Variants in YIPF7 observed in about 807,000 individuals in gnomAD.
The protein encoded by YIPF7 is protein YIPF7.
YIPF7 carries 35 observed loss-of-function variants against 27.2 expected under a neutral mutation model. That is an observed-to-expected ratio of 1.29 (90% CI 0.98 to 1.70). The LOEUF (loss-of-function observed/expected upper bound fraction) is 1.70. YIPF7 is among the 40% of genes most tolerant of loss of function. YIPF7 has a pLI of 0.00. For missense variants in YIPF7, 358 were observed against 303.7 expected (o/e 1.18, Z -1.33); for synonymous variants, 137 against 110.4 (o/e 1.24, Z -1.51).
chr4:44,642,488 G>A (rs1434859604), intron 2 of YIPF7, among the ~76,000 whole-genome samples: 2 of 152,010 alleles, frequency 1.3e-5, no homozygotes, highest in East Asian at 1.9e-4. Flanking sequence ...ATAAAAAAAA[G>A]CATAACCAAT....
intron 4 of YIPF7, chr4:44,629,191 T>G (rs1712784788): frequency 2.2e-6 from 1 of 463,946 alleles, no homozygotes; most frequent in East Asian, 3.8e-5. Context: ...ATCTGCTTCT[T>G]GATTTTTGAA....
At chr4:44,632,018 G>A (rs1240503989) in intron 3 of YIPF7, among the ~76,000 whole-genome samples, 1 of 152,070 alleles carries the variant, frequency 6.6e-6, no homozygotes, top group African/African-American at 2.4e-5. Context: ...TGTCAACCAT[G>A]TATTTAATGG....
At chr4:44,660,403 C>T (rs1269123948) in intron 2 of YIPF7, 2 of 152,022 alleles carry the variant, frequency 1.3e-5, no homozygotes, top group Non-Finnish European at 2.9e-5. Context: ...TGCCTGGGTC[C>T]CTTGGAACAC....
chr4:44,625,148 A>G (rs1712591176), intron 4 of YIPF7, among the ~76,000 whole-genome samples: 1 of 152,222 alleles, frequency 6.6e-6, no homozygotes, highest in Non-Finnish European at 1.5e-5. Context: ...AAAAAATCCA[A>G]TTTTAGTCTT....
Position 44,649,652 on chromosome 4 carries a change from G to A in YIPF7, c.116+333C>T, listed in dbSNP as rs145147260. ...AAAATAGCCAGGCATGGTGGCACACGCCTATAATCCTAGCTACATGCGAGG... is the reference window on the plus strand; with the variant it reads ...AAAATAGCCAGGCATGGTGGCACACACCTATAATCCTAGCTACATGCGAGG... On this transcript the variant is annotated intron_variant, in intron 2 of 5. Transcript: ENST00000415895. Among the ~76,000 whole-genome samples the A allele has an allele frequency of 6.5e-3, 968 of 150,008 alleles. 13 individuals are homozygous for A. Among genetic ancestry groups the A allele is most frequent in the African/African-American group, 0.022 (900 of 40,932 alleles).
At chr4:44,658,136 T>C (rs1713950806) in intron 2 of YIPF7, among the ~76,000 whole-genome samples, 1 of 152,200 alleles carries the variant, frequency 6.6e-6, no homozygotes, top group South Asian at 2.1e-4. Context: ...ACCAAATCCA[T>C]ACATTGAAAT....
At chr4:44,629,964 G>A (rs1476034038) in intron 3 of YIPF7, among the ~76,000 whole-genome samples, 1 of 152,024 alleles carries the variant, frequency 6.6e-6, no homozygotes, top group Non-Finnish European at 1.5e-5. Flanking sequence ...TCCTTTTCCT[G>A]CATTTTCTGT....
chr4:44,658,127 C>T (rs1713950643), intron 2 of YIPF7, among the ~76,000 whole-genome samples: 1 of 152,140 alleles, frequency 6.6e-6, no homozygotes, highest in African/African-American at 2.4e-5. Flanking sequence ...TGTCCCCCTA[C>T]CAAATCCATA....
upstream of YIPF7, among the ~76,000 whole-genome samples, chr4:44,654,918 A>G (rs1713848657): frequency 1.3e-5 from 2 of 152,104 alleles, no homozygotes; most frequent in South Asian, 4.1e-4. Flanking sequence ...GATTGGTAGG[A>G]GATAACAAAG....
chr4:44,653,377 A>G (rs1713794026), upstream of YIPF7, among the ~76,000 whole-genome samples: 1 of 152,144 alleles, frequency 6.6e-6, no homozygotes. Flanking sequence ...GGTTAGGAAG[A>G]GAAAGTTACA....
At position 44,629,552 on chromosome 4, in the gene YIPF7, T is replaced by C. The variant is rs1017904368; in HGVS notation, c.281-4A>G. The C allele has an allele frequency of 6.6e-7, 1 of 1,514,372 alleles. No homozygotes were observed. The highest frequency in any genetic ancestry group is 8.8e-7 in the Non-Finnish European group (1 of 1,132,598). 93.8% of individuals were successfully genotyped at this position (1,514,372 alleles called of 1,614,324 possible). On this transcript the variant is annotated splice_region_variant and splice_polypyrimidine_tract_variant and intron_variant, in intron 3 of 5. Transcript: ENST00000415895. ...TGATCAAAATGGATTCCAAGTTCTGTAAAAAGGAAAAAAGATAAATAATAT... is the reference window on the plus strand; with the variant it reads ...TGATCAAAATGGATTCCAAGTTCTGCAAAAAGGAAAAAAGATAAATAATAT...
chr4:44,656,926 A>G (rs1391745251), intron 2 of YIPF7, among the ~76,000 whole-genome samples: 1 of 152,188 alleles, frequency 6.6e-6, no homozygotes, highest in African/African-American at 2.4e-5. Context: ...TCCTTTAGGT[A>G]CTGCTCAGTA....
At chr4:44,624,570 G>A (rs1350764070) in intron 5 of YIPF7, 31 bp downstream of exon 5, 1 of 1,535,940 alleles carries the variant, frequency 6.5e-7, no homozygotes, top group Non-Finnish European at 8.8e-7. Context: ...GATTGTGCAT[G>A]TGGGGTCATT....
intron 2 of YIPF7, 105 bp from the exon 3 acceptor site, chr4:44,636,190 GTATT>G (rs1713115873): frequency 5.9e-6 from 7 of 1,184,230 alleles, no homozygotes; most frequent in Non-Finnish European, 8.0e-6. Context: ...GTTTTTATGA[GTATT>G]TACTCATGAA....
At chr4:44,623,437 T>G (rs985895846) in intron 5 of YIPF7, among the ~76,000 whole-genome samples, 3 of 152,200 alleles carry the variant, frequency 2.0e-5, no homozygotes, top group Admixed American at 2.0e-4. Flanking sequence ...TCTCCTAGCA[T>G]AGTACTCTTT....
chr4:44,626,704 C>A (rs1047521449), intron 4 of YIPF7, among the ~76,000 whole-genome samples: 4 of 134,394 alleles, frequency 3.0e-5, no homozygotes, highest in African/African-American at 1.1e-4. Flanking sequence ...AATAAATGTT[C>A]TATTTTTTTA....
intron 5 of YIPF7, among the ~76,000 whole-genome samples, chr4:44,624,355 C>T (rs1039683725): frequency 8.6e-5 from 13 of 151,974 alleles, no homozygotes; most frequent in Non-Finnish European, 1.8e-4. Context: ...TGAGCCACTG[C>T]GCCTGGCCAA....
At chr4:44,632,736 C>T (rs1712953471) in intron 3 of YIPF7, among the ~76,000 whole-genome samples, 2 of 152,070 alleles carry the variant, frequency 1.3e-5, no homozygotes, top group African/African-American at 4.8e-5. Flanking sequence ...AAAAGACATA[C>T]CCTGGCCTTT....
At chr4:44,642,922 T>A (rs1179258146) in intron 2 of YIPF7, among the ~76,000 whole-genome samples, 3 of 152,186 alleles carry the variant, frequency 2.0e-5, no homozygotes, top group Non-Finnish European at 4.4e-5. Context: ...TCTCAGGTAT[T>A]CCTTTATAGT....
Sources: allele counts gnomAD v4.1 joint callset (sites outside exome capture counted in the v4.1 genomes callset), GRCh38; gene constraint gnomAD v4.1.1; transcripts MANE v1.5; gene names NCBI Gene and HGNC (gene_info 2026-07-23, HGNC 2026-07-21).